AGBL3: variants seen among roughly 807,000 people sequenced by gnomAD.
The protein encoded by AGBL3 is cytosolic carboxypeptidase 3.
Under a neutral mutation model 94.5 loss-of-function variants are expected in AGBL3, and 68 were observed. The ratio of observed to expected loss-of-function variants is 0.72; its 90% CI spans 0.59 to 0.88. The LOEUF is 0.88. AGBL3 is among the 40% of genes least tolerant of loss of function. The pLI is 0.00. For missense variants in AGBL3, 934 were observed against 1,103.8 expected (o/e 0.85, Z 2.18); for synonymous variants, 354 against 370.7 (o/e 0.95, Z 0.52).
chr7:135,053,003 C>T (rs1225328479), intron 11 of AGBL3, among the ~76,000 whole-genome samples: 1 of 152,188 alleles, frequency 6.6e-6, no homozygotes, highest in African/African-American at 2.4e-5. Context: ...TTCATCCTTA[C>T]ATGTGCAGAA....
chr7:135,100,989 T>C (rs17231212), intron 15 of AGBL3, among the ~76,000 whole-genome samples: 9,190 of 152,324 alleles, frequency 0.06, 454 homozygotes, highest in Non-Finnish European at 0.092. Context: ...TACCCTGAGG[T>C]GTAATATGCA....
intron 15 of AGBL3, among the ~76,000 whole-genome samples, chr7:135,097,262 T>A (rs1823044771): frequency 6.6e-6 from 1 of 152,170 alleles, no homozygotes; most frequent in African/African-American, 2.4e-5. Context: ...AGGGTAGAGC[T>A]CATTTTGTCA....
At chr7:135,126,328 C>A (rs187937925) in intron 16 of AGBL3, among the ~76,000 whole-genome samples, 8 of 152,266 alleles carry the variant, frequency 5.3e-5, no homozygotes, top group African/African-American at 1.9e-4. Flanking sequence ...AGGAATACAG[C>A]TAACAAGGGA....
rs575732577 is a variant in AGBL3, at chr7:135,040,967, T to C, written c.1501-3058T>C. Among the ~76,000 whole-genome samples the C allele has an allele frequency of 4.0e-5, 6 of 151,566 alleles. No individual in the cohort carries two copies. The East Asian group carries it at 5.8e-4, about 15-fold the overall frequency. On this transcript the variant is annotated intron_variant, in intron 8 of 16. Coordinates refer to ENST00000436302, the MANE Select transcript of AGBL3 (RefSeq NM_178563.4). ...TACAAGATCAACCCACAAAAAACAA[T>C]TGCATTTCTGTATACTCACAATGAA...
intron 5 of AGBL3, among the ~76,000 whole-genome samples, chr7:135,023,250 C>A (rs1334540734): frequency 1.3e-5 from 2 of 151,948 alleles, no homozygotes; most frequent in East Asian, 1.9e-4. Context: ...CTGAGAGAGA[C>A]CAAAATATCA....
At chr7:135,085,519 C>CT (rs1821267896) in intron 15 of AGBL3, among the ~76,000 whole-genome samples, 1 of 151,696 alleles carries the variant, frequency 6.6e-6, no homozygotes, top group South Asian at 2.1e-4. Context: ...TTGAATTGAC[C>CT]TTTTTTATGG....
chr7:135,030,019 T>A (rs773310051), intron 5 of AGBL3, among the ~76,000 whole-genome samples: 5 of 151,954 alleles, frequency 3.3e-5, no homozygotes. Flanking sequence ...ACATCAAAGA[T>A]CACTCATAAT....
intron 14 of AGBL3, among the ~76,000 whole-genome samples, chr7:135,081,006 A>G (rs1820882356): frequency 6.6e-6 from 1 of 151,880 alleles, no homozygotes; most frequent in Non-Finnish European, 1.5e-5. Context: ...TTAAAAATAT[A>G]AGTGGAGATA....
intron 12 of AGBL3, among the ~76,000 whole-genome samples, chr7:135,068,967 G>A (rs1225593418): frequency 2.6e-5 from 4 of 152,200 alleles, no homozygotes; most frequent in African/African-American, 9.7e-5. Flanking sequence ...CCATCAGTGT[G>A]CTGTATTCAG....
At chr7:135,060,612 C>T (rs1432055288) in intron 12 of AGBL3, among the ~76,000 whole-genome samples, 1 of 152,066 alleles carries the variant, frequency 6.6e-6, no homozygotes, top group African/African-American at 2.4e-5. Flanking sequence ...TCTATGAATT[C>T]AGCATTTTTT....
intron 5 of AGBL3, among the ~76,000 whole-genome samples, chr7:135,028,192 T>C (rs1344921219): frequency 6.6e-6 from 1 of 151,540 alleles, no homozygotes; most frequent in Non-Finnish European, 1.5e-5. Flanking sequence ...TTGCTGAAGG[T>C]AGGGTGGCTC....
At chr7:135,010,131 C>T (rs1027397382) in intron 4 of AGBL3, 21 of 408,178 alleles carry the variant, frequency 5.1e-5, no homozygotes, top group Non-Finnish European at 8.1e-5. Flanking sequence ...CAGGTTCAAG[C>T]GATTCGCCTG....
At chr7:135,030,687 C>T (rs1440429431) in intron 5 of AGBL3, among the ~76,000 whole-genome samples, 1 of 152,050 alleles carries the variant, frequency 6.6e-6, no homozygotes, top group Non-Finnish European at 1.5e-5. Context: ...CTCTTTCTTT[C>T]ATGTTTTTTA....
At chr7:135,131,444 A>G (rs904364369) in intron 16 of AGBL3, among the ~76,000 whole-genome samples, 1 of 126,958 alleles carries the variant, frequency 7.9e-6, no homozygotes, top group Non-Finnish European at 1.7e-5. Context: ...TAGAAGAAAT[A>G]AAGGAAACAA....
intron 15 of AGBL3, among the ~76,000 whole-genome samples, chr7:135,099,690 T>C (rs1213942006): frequency 6.6e-6 from 1 of 152,100 alleles, no homozygotes; most frequent in Non-Finnish European, 1.5e-5. Context: ...TGGATAACCA[T>C]TGCTAATCAG....
At chr7:135,121,242 T>C (rs934908346) in intron 16 of AGBL3, among the ~76,000 whole-genome samples, 6 of 152,012 alleles carry the variant, frequency 3.9e-5, no homozygotes, top group Non-Finnish European at 5.9e-5. Context: ...CTGCAAAATA[T>C]GTGAAGCAAA....
At chr7:135,077,009 T>A (rs990756914) in intron 13 of AGBL3, among the ~76,000 whole-genome samples, 2 of 152,184 alleles carry the variant, frequency 1.3e-5, no homozygotes, top group African/African-American at 4.8e-5. Flanking sequence ...TGTGAGAGCC[T>A]GTGGTATTTC....
chr7:135,069,953 A>T (rs1197995793), intron 12 of AGBL3, among the ~76,000 whole-genome samples: 1 of 152,222 alleles, frequency 6.6e-6, no homozygotes, highest in Non-Finnish European at 1.5e-5. Flanking sequence ...TTTTGAAAAC[A>T]TCAACAAAAT....
At chr7:135,008,889 A>G (rs957801522) in intron 4 of AGBL3, among the ~76,000 whole-genome samples, 1 of 152,236 alleles carries the variant, frequency 6.6e-6, no homozygotes, top group Non-Finnish European at 1.5e-5. Flanking sequence ...AATATGTTCA[A>G]CATCTTTAGT....
Sources: allele counts gnomAD v4.1 joint callset (sites outside exome capture counted in the v4.1 genomes callset), GRCh38; gene constraint gnomAD v4.1.1; transcripts MANE v1.5; gene names NCBI Gene and HGNC (gene_info 2026-07-23, HGNC 2026-07-21).